Variants in LRP1B observed in about 807,000 individuals in gnomAD.
LRP1B encodes the protein low-density lipoprotein receptor-related protein 1B.
In LRP1B, 217 loss-of-function variants were observed where a neutral mutation model predicts 556.6. That is an observed-to-expected ratio of 0.39 (90% confidence interval 0.35 to 0.44). The LOEUF (loss-of-function observed/expected upper bound fraction) is 0.44. Ranked by LOEUF, LRP1B falls within the 20% of genes least tolerant of loss-of-function variation. The probability of loss-of-function intolerance (pLI) is 1.00; values close to 1 mark genes in which losing one functional copy is unlikely to be tolerated. For synonymous variants in LRP1B, 2,047 were observed against 1,865.8 expected (o/e 1.10, Z -2.50); for missense variants, 5,053 against 5,620.8 (o/e 0.90, Z 3.23).
At chr2:141,100,969 G>T (rs947443891) in intron 7 of LRP1B, among the ~76,000 whole-genome samples, 39 of 152,062 alleles carry the variant, frequency 2.6e-4, no homozygotes, top group African/African-American at 8.9e-4. Context: ...AAAGTTGTGA[G>T]ATTCCTTACA....
chr2:140,377,108 GCT>G lies in LRP1B; in HGVS notation c.10638+1070_10638+1071del, dbSNP rs921433624. 5.9e-5 allele frequency among the ~76,000 whole-genome samples: 9 copies of G among 152,146 alleles called. 1 individual carries two copies. The highest frequency in any genetic ancestry group is 5.2e-4 in the Admixed American group (8 of 15,270). ...TTTGTTGTTGTTGAGGTGGAGTCTC[GCT>G]CTGTCGCCATGCTGGAGTGCAGTGG... On this transcript the variant is annotated intron_variant, in intron 68 of 90. Coordinates refer to ENST00000389484, the MANE Select transcript of LRP1B (RefSeq NM_018557.3).
At chr2:140,809,734 TG>T (rs1290555491) in intron 32 of LRP1B, among the ~76,000 whole-genome samples, 1 of 152,150 alleles carries the variant, frequency 6.6e-6, no homozygotes, top group Non-Finnish European at 1.5e-5. Context: ...GGAGCAGCCA[TG>T]TGGGTGGTTC....
At chr2:140,344,452 T>C (rs552074090) in intron 77 of LRP1B, among the ~76,000 whole-genome samples, 13 of 150,494 alleles carry the variant, frequency 8.6e-5, no homozygotes, top group Non-Finnish European at 1.5e-4. Flanking sequence ...CAACAACTAA[T>C]GATTCAGCAA....
intron 1 of LRP1B, among the ~76,000 whole-genome samples, chr2:142,023,994 G>C (rs2105181951): frequency 6.6e-6 from 1 of 152,198 alleles, no homozygotes; most frequent in Middle Eastern, 3.4e-3. Context: ...TAACAAAGTA[G>C]AATATGCCCA....
rs2104952668 is a variant in LRP1B at position 140,274,578 on chromosome 2, C to G, written c.12988G>C (p.Val4330Leu). 1 of 1,612,134 alleles carries G rather than the reference C, an allele frequency of 6.2e-7. No homozygotes were observed. The highest frequency in any genetic ancestry group is 8.5e-7 in the Non-Finnish European group (1 of 1,178,876). ...CCAATGGTACATGATTCAGAATTCA[C>G]ACAATAGTGGTGGCACACGTCTAGG... is the stretch of plus-strand genomic sequence containing the variant. ...CQYYVCHHYC[V>L]NSESCTIGDD... Residue 4330 changes from valine to leucine, a missense_variant, in exon 85 of 91, where the codon GTG becomes CTG. Physicochemically the swap from Val to Leu is conservative, Grantham distance 32. This residue lies in a region of LRP1B where 551 missense variants were observed against 592.0 expected (regional missense o/e 0.93). Transcript: ENST00000389484.
chr2:141,888,475 C>G (rs534599505), intron 1 of LRP1B, among the ~76,000 whole-genome samples: 1 of 152,084 alleles, frequency 6.6e-6, no homozygotes, highest in African/African-American at 2.4e-5. Context: ...AATCAATGTC[C>G]CTGGATTTTC....
intron 3 of LRP1B, among the ~76,000 whole-genome samples, chr2:141,423,010 T>C (rs1680196115): frequency 6.6e-6 from 1 of 152,202 alleles, no homozygotes; most frequent in Admixed American, 6.5e-5. Context: ...TTCTTCTAGA[T>C]TACCTTTTTT....
rs193083873 is a variant in LRP1B, at chr2:140,256,183, G to A, written c.13248-9021C>T. On this transcript the variant is annotated intron_variant, in intron 86 of 90. Transcript: ENST00000389484. ...TGCTAGTATGGATGACACAAATACC[G>A]TATGCAAGTTTTGGAATTAGCCAGG... Among the ~76,000 whole-genome samples the A allele has an allele frequency of 9.2e-5, 14 of 151,956 alleles. No homozygotes were observed. In the South Asian group the frequency reaches 1.7e-3, roughly 18 times the overall value.
chr2:141,661,078 G>A lies in LRP1B; in HGVS notation c.205+149201C>T, dbSNP rs547539132. On this transcript the variant is annotated intron_variant, in intron 2 of 90. Transcript: ENST00000389484. ...GACCACCAGCAAACTGCAGCAGCCC[G>A]ATGGAAGAGGGACCTGACTGTTAAA... Among the ~76,000 whole-genome samples the A allele has an allele frequency of 1.9e-4, 29 of 152,260 alleles. 1 individual carries two copies. The highest frequency in any genetic ancestry group is 6.5e-4 in the African/African-American group (27 of 41,552).
chr2:141,631,261 A>G (rs546224530), intron 2 of LRP1B, among the ~76,000 whole-genome samples: 183 of 152,230 alleles, frequency 1.2e-3, no homozygotes, highest in Non-Finnish European at 2.1e-3. Flanking sequence ...AACTGCCCCT[A>G]TGCTTCAATT....
intron 1 of LRP1B, among the ~76,000 whole-genome samples, chr2:141,901,517 G>A (rs980034211): frequency 5.9e-5 from 9 of 151,832 alleles, no homozygotes; most frequent in African/African-American, 9.7e-5. Flanking sequence ...CTTATTTGCT[G>A]CTTATATTTA....
chr2:141,585,914 C>T (rs1005893117), intron 2 of LRP1B, among the ~76,000 whole-genome samples: 11 of 149,332 alleles, frequency 7.4e-5, no homozygotes, highest in African/African-American at 1.7e-4. Context: ...ACGAGGGTCT[C>T]GCTATCTTGC....
At chr2:140,966,114 C>T (rs1024589289) in intron 18 of LRP1B, among the ~76,000 whole-genome samples, 7 of 152,298 alleles carry the variant, frequency 4.6e-5, no homozygotes, top group African/African-American at 1.4e-4. Flanking sequence ...GTTCTAGATC[C>T]TTGAGGAATC....
chr2:142,107,781 C>A (rs1027951597), intron 1 of LRP1B, among the ~76,000 whole-genome samples: 5 of 147,698 alleles, frequency 3.4e-5, no homozygotes, highest in African/African-American at 1.2e-4. Context: ...GCACCCACCA[C>A]CACGCCTAGC....
chr2:140,257,829 G>A (rs150033564), intron 86 of LRP1B, among the ~76,000 whole-genome samples: 16 of 152,294 alleles, frequency 1.1e-4, no homozygotes, highest in South Asian at 8.3e-4. Flanking sequence ...CTGCCGAAAA[G>A]TTGTGGTCTG....
intron 1 of LRP1B, among the ~76,000 whole-genome samples, chr2:141,928,351 A>AT (rs1358531119): frequency 6.6e-6 from 1 of 152,186 alleles, no homozygotes; most frequent in African/African-American, 2.4e-5. Context: ...GTACGCAAAT[A>AT]TTTTTAAATA....
intron 86 of LRP1B, among the ~76,000 whole-genome samples, chr2:140,258,596 T>C (rs1323271950): frequency 5.3e-5 from 8 of 152,190 alleles, no homozygotes. Context: ...TTCTCGTCTA[T>C]TGCAATGGCT....
chr2:142,041,204 G>A (rs1248988640), intron 1 of LRP1B, among the ~76,000 whole-genome samples: 4 of 151,212 alleles, frequency 2.6e-5, no homozygotes, highest in Non-Finnish European at 4.4e-5. Flanking sequence ...TTGAGAAGAA[G>A]ATTTGTAACT....
At chr2:141,918,488 GGAGAA>G (rs1700097726) in intron 1 of LRP1B, among the ~76,000 whole-genome samples, 1 of 151,998 alleles carries the variant, frequency 6.6e-6, no homozygotes, top group African/African-American at 2.4e-5. Context: ...CAAAGAAACT[GGAGAA>G]GAGAAAATTA....
Sources: gnomAD v4.1 joint callset for allele counts (sites outside exome capture counted in the v4.1 genomes callset) on GRCh38, gnomAD v4.1.1 for gene constraint, gnomAD v4.1.1 regional missense constraint, MANE v1.5 for transcripts, NCBI Gene and HGNC (gene_info 2026-07-23, HGNC 2026-07-21) for gene names.